The following CAST variants were observed in gnomAD, a reference collection of about 807,000 sequenced individuals.
CAST encodes MIR583 host.
A neutral mutation model predicts 119.6 loss-of-function variants in CAST; 76 were observed. The ratio of observed to expected loss-of-function variants is 0.64; its 90% CI spans 0.53 to 0.77. CAST has a LOEUF of 0.77. Ranked by LOEUF, CAST falls within the 30% of genes least tolerant of loss-of-function variation. CAST has a pLI of 0.00. For missense variants in CAST, 953 were observed against 946.5 expected (o/e 1.01, Z -0.09); for synonymous variants, 319 against 331.6 (o/e 0.96, Z 0.41).
the CAST span, among the ~76,000 whole-genome samples, chr5:96,476,921 G>A: frequency 1.2e-4 from 14 of 115,452 alleles, no homozygotes; most frequent in Non-Finnish European, 2.4e-4. Flanking sequence ...GTCATGATGT[G>A]GATGGCAAAA....
At chr5:96,530,616 T>A (rs915890295) in intron 1 of CAST, among the ~76,000 whole-genome samples, 6 of 151,972 alleles carry the variant, frequency 3.9e-5, no homozygotes, top group African/African-American at 1.5e-4. Flanking sequence ...TATTGAGCTA[T>A]CAGTGCAGAA....
chr5:96,447,074 G>A, the CAST span, among the ~76,000 whole-genome samples: 1 of 152,162 alleles, frequency 6.6e-6, no homozygotes. Context: ...ACCTGGAGAG[G>A]GCATGAATGC....
chr5:96,468,494 T>G, the CAST span, among the ~76,000 whole-genome samples: 26,946 of 151,790 alleles, frequency 0.18, 3,289 homozygotes, highest in Non-Finnish European at 0.27. Context: ...AGCGTTAGCC[T>G]TAGGTGTGTC....
At chr5:96,743,549 TG>T in intron 16 of CAST, 2 of 1,548,538 alleles carry the variant, frequency 1.3e-6, no homozygotes. Context: ...TGTCACTTCC[TG>T]TTCTGAGTCA....
chr5:96,552,217 C>A (rs1746144788), intron 1 of CAST, among the ~76,000 whole-genome samples: 1 of 152,032 alleles, frequency 6.6e-6, no homozygotes. Context: ...CAACAAACTC[C>A]ATCTCAGACT....
At chr5:96,499,729 C>T in the CAST span, among the ~76,000 whole-genome samples, 1 of 152,198 alleles carries the variant, frequency 6.6e-6, no homozygotes, top group African/African-American at 2.4e-5. Flanking sequence ...CTCTCGAACC[C>T]TGCTGCTGCT....
chr5:96,578,939 TA>T (rs893984523), intron 1 of CAST, among the ~76,000 whole-genome samples: 1 of 152,184 alleles, frequency 6.6e-6, no homozygotes, highest in African/African-American at 2.4e-5. Context: ...TTTGGCCTGT[TA>T]TTTGGTTTGC....
chr5:96,290,794 C>A, the CAST span, among the ~76,000 whole-genome samples: 1 of 152,236 alleles, frequency 6.6e-6, no homozygotes, highest in Non-Finnish European at 1.5e-5. Flanking sequence ...AAGTAGCAAG[C>A]TGTGGTAGCC....
chr5:96,399,918 G>A, the CAST span: 2 of 1,466,764 alleles, frequency 1.4e-6, no homozygotes, highest in East Asian at 2.3e-5. Context: ...TATGCCATGG[G>A]CACACATGTG....
chr5:96,717,829 T>C (rs1217054075), intron 3 of CAST, among the ~76,000 whole-genome samples: 1 of 152,228 alleles, frequency 6.6e-6, no homozygotes, highest in Non-Finnish European at 1.5e-5. Flanking sequence ...CATTAAACTT[T>C]GTCTAGGACT....
chr5:96,340,659 G>T, the CAST span, among the ~76,000 whole-genome samples: 2 of 152,198 alleles, frequency 1.3e-5, no homozygotes, highest in African/African-American at 4.8e-5. Flanking sequence ...AAGAGCTGTT[G>T]TTGTTTACCC....
the CAST span, among the ~76,000 whole-genome samples, chr5:96,146,744 T>C: frequency 5.4e-4 from 82 of 152,334 alleles, no homozygotes; most frequent in East Asian, 0.014. Flanking sequence ...GACATCTCAT[T>C]AGCTTAACAC....
At chr5:96,033,793 A>T in the CAST span, among the ~76,000 whole-genome samples, 8 of 152,216 alleles carry the variant, frequency 5.3e-5, no homozygotes, top group Non-Finnish European at 1.0e-4. Flanking sequence ...AAGTGAAAAT[A>T]GACAAATGGG....
the CAST span, among the ~76,000 whole-genome samples, chr5:96,106,250 C>T: frequency 6.6e-6 from 1 of 151,978 alleles, no homozygotes; most frequent in African/African-American, 2.4e-5. Flanking sequence ...TTAGTTATTT[C>T]TTGCCTTCTG....
the CAST span, chr5:96,421,873 T>A: frequency 2.1e-6 from 3 of 1,428,772 alleles, no homozygotes; most frequent in Non-Finnish European, 3.0e-6. Context: ...AATGCATATT[T>A]ACTCACTTGT....
the CAST span, among the ~76,000 whole-genome samples, chr5:96,394,701 A>G: frequency 3.3e-5 from 5 of 152,360 alleles, no homozygotes; most frequent in East Asian, 9.6e-4. Flanking sequence ...AATGAAAAAA[A>G]TACAGTTTTA....
chr5:96,309,066 T>G, the CAST span, among the ~76,000 whole-genome samples: 1 of 151,904 alleles, frequency 6.6e-6, no homozygotes, highest in Non-Finnish European at 1.5e-5. Context: ...CAGCCACCCC[T>G]TCCCCCAGAT....
chr5:96,121,254 G>A, the CAST span, among the ~76,000 whole-genome samples: 1 of 152,100 alleles, frequency 6.6e-6, no homozygotes, highest in South Asian at 2.1e-4. Flanking sequence ...GGCTTTGGGG[G>A]AGCCCTTTTG....
chr5:96,620,783 G>A (rs1264120548), intron 1 of CAST, among the ~76,000 whole-genome samples: 1 of 152,174 alleles, frequency 6.6e-6, no homozygotes, highest in Non-Finnish European at 1.5e-5. Flanking sequence ...TATTGGCATA[G>A]CTTTTGGGGG....
Sources: allele counts gnomAD v4.1 joint callset (sites outside exome capture counted in the v4.1 genomes callset), GRCh38; gene constraint gnomAD v4.1.1; transcripts MANE v1.5; gene names NCBI Gene and HGNC (gene_info 2026-07-23, HGNC 2026-07-21).